Variants in MDGA2 observed in about 807,000 individuals in gnomAD.
MDGA2 encodes the protein MAM domain containing glycosylphosphatidylinositol anchor 2, also known as MAM domain-containing glycosylphosphatidylinositol anchor protein 2.
In MDGA2, 40 loss-of-function variants were observed where a neutral mutation model predicts 117.8. That is an observed-to-expected ratio of 0.34 (90% CI 0.26 to 0.44). The LOEUF (loss-of-function observed/expected upper bound fraction) is 0.44. Ranked by LOEUF, MDGA2 falls within the 20% of genes least tolerant of loss-of-function variation. The pLI, the probability that MDGA2 is intolerant of heterozygous loss-of-function variation, is 1.00. For synonymous variants in MDGA2, 452 were observed against 439.0 expected (o/e 1.03, Z -0.37); for missense variants, 1,123 against 1,250.6 (o/e 0.90, Z 1.54).
At chr14:47,626,195 A>C (rs1396616446) in intron 1 of MDGA2, 2 of 152,254 alleles carry the variant, frequency 1.3e-5, no homozygotes. Context: ...CATGGCAGAT[A>C]GGTTTTTGTT....
At chr14:46,908,115 A>G (rs1883568090) in intron 10 of MDGA2, among the ~76,000 whole-genome samples, 1 of 152,182 alleles carries the variant, frequency 6.6e-6, no homozygotes, top group South Asian at 2.1e-4. Flanking sequence ...TAAAATCACA[A>G]TTTCTGGTGC....
rs375771729 is a variant in MDGA2, at chr14:47,521,915, G to A, written c.280+152602C>T. On this transcript the variant is annotated intron_variant, in intron 1 of 16. Transcript: ENST00000399232. ...TCGAACTCCTGACCTCAGGTGATCC[G>A]CCCACCTCAGTCTCCCAAAGTGCTG... Among the ~76,000 whole-genome samples the A allele has an allele frequency of 2.2e-4, 34 of 152,068 alleles. No homozygotes were observed. The East Asian group carries it at 5.6e-3, about 25-fold the overall frequency.
intron 9 of MDGA2, among the ~76,000 whole-genome samples, chr14:46,934,926 G>A (rs1884722099): frequency 1.3e-5 from 2 of 152,000 alleles, no homozygotes; most frequent in South Asian, 4.1e-4. Context: ...TCACAGTTAA[G>A]GCTCTGGGTC....
intron 1 of MDGA2, among the ~76,000 whole-genome samples, chr14:47,335,743 T>TAC (rs1267217900): frequency 7.6e-5 from 5 of 66,004 alleles, no homozygotes; most frequent in African/African-American, 1.5e-4. Context: ...TTTATATATA[T>TAC]ATATACATAC....
chr14:47,308,196 A>C (rs1240714851), intron 1 of MDGA2, among the ~76,000 whole-genome samples: 1 of 152,174 alleles, frequency 6.6e-6, no homozygotes, highest in Non-Finnish European at 1.5e-5. Flanking sequence ...CTGAGGAAAA[A>C]GATCTCAGTA....
At chr14:47,476,428 A>G (rs1280056946) in intron 1 of MDGA2, among the ~76,000 whole-genome samples, 2 of 152,154 alleles carry the variant, frequency 1.3e-5, no homozygotes, top group Non-Finnish European at 2.9e-5. Flanking sequence ...GTGCTTACTG[A>G]TAAGAAATTT....
chr14:47,149,128 A>C (rs560137511), intron 3 of MDGA2, among the ~76,000 whole-genome samples: 3 of 152,202 alleles, frequency 2.0e-5, no homozygotes, highest in Non-Finnish European at 4.4e-5. Context: ...CATCTCTACC[A>C]AAAATACAAA....
chr14:46,995,275 A>G (rs531034306), intron 8 of MDGA2, among the ~76,000 whole-genome samples: 14 of 152,190 alleles, frequency 9.2e-5, no homozygotes, highest in African/African-American at 2.9e-4. Flanking sequence ...TGATTTTCAG[A>G]TCCTAATTCA....
intron 3 of MDGA2, among the ~76,000 whole-genome samples, chr14:47,212,778 T>C (rs1594726641): frequency 1.3e-5 from 2 of 152,264 alleles, no homozygotes; most frequent in South Asian, 4.1e-4. Context: ...TTGGATTACA[T>C]TTCATTTCAT....
intron 8 of MDGA2, among the ~76,000 whole-genome samples, chr14:46,968,835 T>TAAAAAA (rs759219093): frequency 9.4e-6 from 1 of 105,854 alleles, no homozygotes. Context: ...AGACTCTGTC[T>TAAAAAA]AAAAAAAAAA....
intron 2 of MDGA2, among the ~76,000 whole-genome samples, chr14:47,220,613 C>T (rs1425258505): frequency 6.7e-6 from 1 of 149,750 alleles, no homozygotes; most frequent in Admixed American, 6.6e-5. Flanking sequence ...GTTATACCTA[C>T]CTAACCTAAA....
chr14:47,001,887 A>G (rs1887542375), intron 8 of MDGA2, among the ~76,000 whole-genome samples: 1 of 152,096 alleles, frequency 6.6e-6, no homozygotes, highest in Non-Finnish European at 1.5e-5. Context: ...GCAATAATCA[A>G]TGGAGTGGGG....
intron 1 of MDGA2, among the ~76,000 whole-genome samples, chr14:47,365,472 A>G (rs1432313102): frequency 1.3e-5 from 2 of 152,276 alleles, no homozygotes; most frequent in East Asian, 3.8e-4. Flanking sequence ...AGCGCAACCC[A>G]TTGCCATTCG....
chr14:47,595,667 A>G (rs888282132), intron 1 of MDGA2, among the ~76,000 whole-genome samples: 1 of 152,094 alleles, frequency 6.6e-6, no homozygotes, highest in African/African-American at 2.4e-5. Context: ...AGTGAGAGGC[A>G]TGAATTATAT....
At chr14:47,017,199 T>A (rs891338919) in intron 8 of MDGA2, among the ~76,000 whole-genome samples, 7 of 151,508 alleles carry the variant, frequency 4.6e-5, no homozygotes, top group African/African-American at 1.7e-4. Flanking sequence ...TCCTTTGCTG[T>A]CCATAGAGAC....
At chr14:47,225,235 A>G (rs1257524913) in intron 2 of MDGA2, among the ~76,000 whole-genome samples, 1 of 152,098 alleles carries the variant, frequency 6.6e-6, no homozygotes, top group Non-Finnish European at 1.5e-5. Context: ...TAGTTCAACC[A>G]TTGTGGAAGT....
At chr14:47,411,904 C>T (rs567313716) in intron 1 of MDGA2, among the ~76,000 whole-genome samples, 19 of 152,172 alleles carry the variant, frequency 1.2e-4, no homozygotes, top group Non-Finnish European at 2.6e-4. Flanking sequence ...GCCAGATACT[C>T]TTGCAAATAT....
chr14:46,902,596 G>A (rs1883330370), intron 10 of MDGA2, among the ~76,000 whole-genome samples: 1 of 152,100 alleles, frequency 6.6e-6, no homozygotes, highest in African/African-American at 2.4e-5. Flanking sequence ...TTAAGCAACT[G>A]AAATAAGGTA....
intron 3 of MDGA2, among the ~76,000 whole-genome samples, chr14:47,166,334 A>T (rs1422722660): frequency 1.3e-5 from 2 of 152,008 alleles, no homozygotes; most frequent in Non-Finnish European, 2.9e-5. Context: ...GCGCCCCACC[A>T]CTGTTTACTA....
Sources: allele counts gnomAD v4.1 joint callset (sites outside exome capture counted in the v4.1 genomes callset), GRCh38; gene constraint gnomAD v4.1.1; transcripts MANE v1.5; gene names NCBI Gene and HGNC (gene_info 2026-07-23, HGNC 2026-07-21).